The following SATB2 variants were observed in gnomAD, a reference collection of about 807,000 sequenced individuals.
The protein encoded by SATB2 is DNA-binding protein SATB2.
Under a neutral mutation model 73.4 loss-of-function variants are expected in SATB2, and 1 was observed. The ratio of observed to expected loss-of-function variants is 0.01; its 90% CI spans 0.00 to 0.06. SATB2 has a LOEUF of 0.06. SATB2 is among the 10% of genes least tolerant of loss of function. The probability of loss-of-function intolerance (pLI) is 1.00; values close to 1 mark genes in which losing one functional copy is unlikely to be tolerated. For missense variants in SATB2, 459 were observed against 945.8 expected (o/e 0.49, Z 6.75); for synonymous variants, 397 against 367.0 (o/e 1.08, Z -0.93).
chr2:199,277,356 T>TA (rs1057402644), intron 10 of SATB2, among the ~76,000 whole-genome samples: 3 of 152,258 alleles, frequency 2.0e-5, no homozygotes, highest in Admixed American at 6.5e-5. Flanking sequence ...TATAAAAGTT[T>TA]AAAAAAATGG....
Position 199,387,626 on chromosome 2 carries a change from C to A in SATB2, c.347-5806G>T, listed in dbSNP as rs1469377870. On this transcript the variant is annotated intron_variant, in intron 3 of 10. Coordinates refer to ENST00000417098, the MANE Select transcript of SATB2 (RefSeq NM_001172509.2). ...GGTCTTTGAGTCACAAATTATGGGC[C>A]TTTATTTTGGGGTTGAAATTCATAC... 4.6e-5 allele frequency among the ~76,000 whole-genome samples: 7 copies of A among 152,132 alleles called. No individual in the cohort carries two copies. The East Asian group carries it at 1.2e-3, about 25-fold the overall frequency.
At chr2:199,292,108 A>G (rs1272716492) in intron 10 of SATB2, among the ~76,000 whole-genome samples, 3 of 152,194 alleles carry the variant, frequency 2.0e-5, no homozygotes, top group Non-Finnish European at 4.4e-5. Context: ...AGAAAGAGAA[A>G]AGGCAAAATT....
rs560064779 is a variant in SATB2 at position 199,440,287 on chromosome 2, G to GC, written c.170-6774dup. ...CCTGCTGTCCTCTACTAGGCACCCA[G>GC]CCCCCTGGGCTAAGGCAGCCACAGG... On this transcript the variant is annotated intron_variant, in intron 2 of 10. Transcript: ENST00000417098. Among the ~76,000 whole-genome samples, 37 of 152,202 alleles carry GC rather than the reference G, an allele frequency of 2.4e-4. 1 individual carries two copies. The East Asian group carries it at 7.2e-3, about 29-fold the overall frequency.
chr2:199,308,510 T>G lies in SATB2; in HGVS notation c.1740+250A>C, dbSNP rs1223497593. 1.3e-5 allele frequency among the ~76,000 whole-genome samples: 2 copies of G among 152,128 alleles called. No individual in the cohort carries two copies. Among genetic ancestry groups the G allele is most frequent in the Non-Finnish European group, 2.9e-5 (2 of 68,024 alleles). ...ATGATCTCAGGAAAGCAGCTGTCTT[T>G]GGCATTCAACTTCTCAGTCATTTTT... On this transcript the variant is annotated intron_variant, in intron 10 of 10. Coordinates refer to ENST00000417098, the MANE Select transcript of SATB2 (RefSeq NM_001172509.2). This position sits in a 1 kb window ranked among gnomAD's most constrained non-coding sequence, Gnocchi z 4.6.
intron 3 of SATB2, chr2:199,397,536 T>C (rs186483047): frequency 1.2e-5 from 2 of 167,280 alleles, no homozygotes; most frequent in African/African-American, 4.8e-5. Flanking sequence ...TTACTATAGG[T>C]CTAGAAGTCC....
upstream of SATB2, among the ~76,000 whole-genome samples, chr2:199,467,672 C>T (rs1371119270): frequency 6.6e-6 from 1 of 152,170 alleles, no homozygotes; most frequent in Non-Finnish European, 1.5e-5. Flanking sequence ...TTGGAAGAAT[C>T]CCCACCACAT....
chr2:199,379,783 C>T (rs761559301), intron 5 of SATB2, among the ~76,000 whole-genome samples: 16 of 150,596 alleles, frequency 1.1e-4, no homozygotes, highest in South Asian at 2.1e-4. Flanking sequence ...TGGCCTCGGC[C>T]TCCCAAAGTG....
chr2:199,335,173 G>A (rs1024055927), intron 7 of SATB2, among the ~76,000 whole-genome samples: 35 of 152,114 alleles, frequency 2.3e-4, no homozygotes, highest in South Asian at 2.1e-4. Context: ...AGAAAATGTC[G>A]TTATTGCATT....
chr2:199,362,418 C>G (rs1264530547), intron 6 of SATB2, among the ~76,000 whole-genome samples: 1 of 137,560 alleles, frequency 7.3e-6, no homozygotes, highest in African/African-American at 2.7e-5. Flanking sequence ...TCTATGCCAC[C>G]ATTACACTAG....
intron 6 of SATB2, among the ~76,000 whole-genome samples, chr2:199,367,931 G>A (rs1689335861): frequency 6.6e-6 from 1 of 152,036 alleles, no homozygotes; most frequent in South Asian, 2.1e-4. Context: ...AATTCTACAT[G>A]TAATATATTA....
Position 199,275,339 on chromosome 2 carries a change from T to C in SATB2, c.1741-2667A>G, listed in dbSNP as rs769489585. Among the ~76,000 whole-genome samples the C allele has an allele frequency of 5.3e-5, 8 of 152,170 alleles. 2 individuals carry two copies. The South Asian group carries it at 1.4e-3, about 28-fold the overall frequency. On this transcript the variant is annotated intron_variant, in intron 10 of 10. Coordinates refer to ENST00000417098, the MANE Select transcript of SATB2 (RefSeq NM_001172509.2). Reference sequence around the variant, plus strand: ...TAGAACTGAGCACTAGTAATACATATGTACAGAGAAGCCAAACATGAAACA... The same window carrying C: ...TAGAACTGAGCACTAGTAATACATACGTACAGAGAAGCCAAACATGAAACA...
chr2:199,453,286 C>G (rs1279757467), intron 2 of SATB2, among the ~76,000 whole-genome samples: 1 of 152,002 alleles, frequency 6.6e-6, no homozygotes, highest in Non-Finnish European at 1.5e-5. Context: ...GAAAGAGGAA[C>G]ACTAAAGATT....
intron 10 of SATB2, among the ~76,000 whole-genome samples, chr2:199,295,998 A>G (rs925623052): frequency 3.3e-5 from 5 of 152,210 alleles, no homozygotes; most frequent in Non-Finnish European, 5.9e-5. Context: ...CTTAATAAAA[A>G]TCAGCAGTAG....
In SATB2 at chr2:199,270,709, C is replaced by T. The variant is rs775624317; in HGVS notation, c.*1502G>A. 7 of 152,326 alleles carry T rather than the reference C, an allele frequency of 4.6e-5. No homozygotes were observed. The highest frequency in any genetic ancestry group is 6.5e-5 in the Admixed American group (1 of 15,268). The allele number at this position is 152,326 out of a possible 1,614,324, so 9.4% of individuals were successfully genotyped here. A position where few individuals can be genotyped will look rare whatever the true frequency, so the allele number is the denominator to read the frequency against. ...ACTATAGTAGATTGCAGCTTTAATGCTCATCCCATTAAACATCCAGTCAGC... is the reference window on the plus strand; with the variant it reads ...ACTATAGTAGATTGCAGCTTTAATGTTCATCCCATTAAACATCCAGTCAGC... On this transcript the variant is annotated 3_prime_UTR_variant, in exon 11 of 11. Transcript: ENST00000417098.
chr2:199,463,502 G>T lies in SATB2; in HGVS notation c.-141+1334C>A, dbSNP rs1692526101. ...GGCCTCGGCTTGGCGTCAATGTCCC[G>T]CCACCCTCGAGCCCGGGTCACTGCC... On this transcript the variant is annotated intron_variant, in intron 1 of 11. Transcript: ENST00000260926. This position sits in a 1 kb window ranked among gnomAD's most constrained non-coding sequence, Gnocchi z 6.4. Among the ~76,000 whole-genome samples the T allele has an allele frequency of 6.6e-6, 1 of 152,170 alleles. No individual in the cohort carries two copies. Among genetic ancestry groups the T allele is most frequent in the Non-Finnish European group, 1.5e-5 (1 of 68,030 alleles).
chr2:199,423,052 T>C (rs915960045), intron 3 of SATB2, among the ~76,000 whole-genome samples: 18 of 152,202 alleles, frequency 1.2e-4, no homozygotes, highest in African/African-American at 4.3e-4. Context: ...TCAAAACATA[T>C]TCAAAACCTG....
At chr2:199,354,033 C>G (rs183497084) in intron 6 of SATB2, among the ~76,000 whole-genome samples, 3 of 152,260 alleles carry the variant, frequency 2.0e-5, no homozygotes, top group Admixed American at 1.3e-4. Flanking sequence ...CTGATAAAGG[C>G]AACACGCTTA....
chr2:199,397,643 C>T, intron 3 of SATB2: 1 of 240,358 alleles, frequency 4.2e-6, no homozygotes, highest in South Asian at 3.6e-5. Flanking sequence ...AATCCCAGTA[C>T]TTTGGGAGGC....
At chr2:199,408,263 C>T (rs1690696352) in intron 3 of SATB2, among the ~76,000 whole-genome samples, 1 of 152,016 alleles carries the variant, frequency 6.6e-6, no homozygotes, top group Non-Finnish European at 1.5e-5. Context: ...AAAGGATGGG[C>T]TATAACACTT....
Sources: allele counts gnomAD v4.1 joint callset (sites outside exome capture counted in the v4.1 genomes callset), GRCh38; gene constraint gnomAD v4.1.1; non-coding constraint Gnocchi (gnomAD v3.1); transcripts MANE v1.5; gene names NCBI Gene and HGNC (gene_info 2026-07-23, HGNC 2026-07-21).